Variants in FHIT observed in about 807,000 individuals in gnomAD.
FHIT encodes bis(5'-adenosyl)-triphosphatase.
Under a neutral mutation model 17.9 loss-of-function variants are expected in FHIT, and 19 were observed. That is an observed-to-expected ratio of 1.06 (90% CI 0.74 to 1.56). The LOEUF (loss-of-function observed/expected upper bound fraction) is 1.56, where lower values mean the gene tolerates loss of function less well. Among genes scored for constraint, FHIT ranks in the 40% most tolerant of loss-of-function variants. The pLI is 0.00. For synonymous variants in FHIT, 81 were observed against 69.7 expected, an observed-to-expected ratio of 1.16 and a Z score of -0.81; for missense variants, 248 against 189.2, an observed-to-expected ratio of 1.31 and a Z score of -1.82.
chr3:60,670,888 G>A (rs373330163), intron 4 of FHIT, among the ~76,000 whole-genome samples: 56 of 152,216 alleles, frequency 3.7e-4, no homozygotes, highest in African/African-American at 1.3e-3. Context: ...TAATTAGTTG[G>A]TAATTAACAT....
At chr3:60,570,776 A>G (rs1249796405) in intron 4 of FHIT, among the ~76,000 whole-genome samples, 1 of 150,642 alleles carries the variant, frequency 6.6e-6, no homozygotes, top group East Asian at 2.0e-4. Flanking sequence ...AGCCTAGCGC[A>G]TGTTATGGCA....
intron 8 of FHIT, among the ~76,000 whole-genome samples, chr3:59,852,111 T>C (rs966217133): frequency 6.6e-6 from 1 of 152,184 alleles, no homozygotes; most frequent in Non-Finnish European, 1.5e-5. Context: ...GGTGGAGTTC[T>C]GTTCTCCAGC....
intron 4 of FHIT, among the ~76,000 whole-genome samples, chr3:60,556,169 A>T (rs533867799): frequency 7.2e-5 from 11 of 152,292 alleles, no homozygotes; most frequent in Non-Finnish European, 1.0e-4. Context: ...CATCTGGGTG[A>T]TCCGTCTATA....
intron 3 of FHIT, among the ~76,000 whole-genome samples, chr3:61,035,406 T>G (rs1328160386): frequency 6.6e-6 from 1 of 152,182 alleles, no homozygotes; most frequent in Admixed American, 6.5e-5. Flanking sequence ...TCCTCACTTC[T>G]CCTCCAAAAA....
At chr3:59,767,129 AG>A (rs1701838245) in intron 8 of FHIT, among the ~76,000 whole-genome samples, 1 of 152,274 alleles carries the variant, frequency 6.6e-6, no homozygotes, top group African/African-American at 2.4e-5. Context: ...TTACAACAGG[AG>A]GGGGTCAGAT....
rs112818764 is a variant in FHIT, at chr3:60,244,118, C to T, written c.104-229966G>A. 9.6e-3 allele frequency among the ~76,000 whole-genome samples: 1,466 copies of T among 152,128 alleles called. 17 individuals are homozygous for T. Among genetic ancestry groups the T allele is most frequent in the Non-Finnish European group, 0.015 (987 of 67,948 alleles). On this transcript the variant is annotated intron_variant, in intron 5 of 9. Transcript: ENST00000492590. ...ATATATTAAAAGTGGCTTTTCTGATCACAGCAATTCTCAGGCAGTTTAGGT... is the reference window on the plus strand; with the variant it reads ...ATATATTAAAAGTGGCTTTTCTGATTACAGCAATTCTCAGGCAGTTTAGGT...
intron 8 of FHIT, among the ~76,000 whole-genome samples, chr3:59,918,506 T>TA (rs1364303617): frequency 4.1e-5 from 4 of 97,746 alleles, no homozygotes; most frequent in African/African-American, 1.0e-4. Flanking sequence ...AACTTGAAGT[T>TA]AAAAAACAAA....
chr3:59,766,541 T>C (rs115394627), intron 8 of FHIT, among the ~76,000 whole-genome samples: 202 of 152,366 alleles, frequency 1.3e-3, no homozygotes, highest in African/African-American at 4.5e-3. Context: ...GAGATAGTCA[T>C]CCAAATGTTC....
chr3:60,949,621 G>A (rs1176880711), intron 3 of FHIT, among the ~76,000 whole-genome samples: 1 of 152,076 alleles, frequency 6.6e-6, no homozygotes, highest in Non-Finnish European at 1.5e-5. Flanking sequence ...TGTTTCTCCG[G>A]CTTTGCCCAA....
intron 4 of FHIT, among the ~76,000 whole-genome samples, chr3:60,549,096 G>A (rs1366477739): frequency 6.6e-6 from 1 of 152,116 alleles, no homozygotes; most frequent in Non-Finnish European, 1.5e-5. Context: ...CTTGACAAAA[G>A]TAATGCCTAA....
chr3:60,283,785 T>C (rs1707582369), intron 5 of FHIT, among the ~76,000 whole-genome samples: 2 of 151,434 alleles, frequency 1.3e-5, no homozygotes, highest in South Asian at 2.1e-4. Context: ...GACTAAATAA[T>C]GAAAAAGAGG....
At chr3:59,986,515 A>ATTTATACATT (rs1559523335) in intron 7 of FHIT, among the ~76,000 whole-genome samples, 2,422 of 12,620 alleles carry the variant, frequency 0.19, 225 homozygotes, top group South Asian at 0.26. Context: ...ATATATATAT[A>ATTTATACATT]TATATATATA....
intron 1 of FHIT, among the ~76,000 whole-genome samples, chr3:61,217,635 A>C (rs2039722951): frequency 6.6e-6 from 1 of 152,148 alleles, no homozygotes; most frequent in Non-Finnish European, 1.5e-5. Context: ...TGCCGCCCTC[A>C]ATGAGGGAGT....
intron 1 of FHIT, among the ~76,000 whole-genome samples, chr3:61,201,208 T>G (rs1446385113): frequency 6.6e-6 from 1 of 152,202 alleles, no homozygotes; most frequent in East Asian, 1.9e-4. Context: ...ACTGCAGCCT[T>G]CTCTCGGAAG....
intron 4 of FHIT, among the ~76,000 whole-genome samples, chr3:60,612,312 C>A (rs1423693014): frequency 6.6e-6 from 1 of 152,236 alleles, no homozygotes; most frequent in East Asian, 1.9e-4. Context: ...CTCTGAGACT[C>A]TATGGATATA....
At chr3:60,714,185 T>C (rs1198431250) in intron 4 of FHIT, among the ~76,000 whole-genome samples, 27 of 152,052 alleles carry the variant, frequency 1.8e-4, no homozygotes, top group Non-Finnish European at 3.4e-4. Context: ...ACAAAAACCA[T>C]ACGATTATCT....
intron 4 of FHIT, among the ~76,000 whole-genome samples, chr3:60,540,178 C>T (rs913477801): frequency 6.6e-6 from 1 of 152,086 alleles, no homozygotes; most frequent in South Asian, 2.1e-4. Flanking sequence ...TAGCTGAACA[C>T]GCAGAAGTTC....
chr3:60,851,164 T>C (rs982506423), intron 3 of FHIT, among the ~76,000 whole-genome samples: 1 of 152,130 alleles, frequency 6.6e-6, no homozygotes, highest in Non-Finnish European at 1.5e-5. Flanking sequence ...AGACCAAAGA[T>C]AGCTGAGTGG....
intron 8 of FHIT, among the ~76,000 whole-genome samples, chr3:59,854,235 G>C (rs1702059590): frequency 6.6e-6 from 1 of 152,190 alleles, no homozygotes; most frequent in African/African-American, 2.4e-5. Flanking sequence ...CTTCAACGCT[G>C]ATGCTTTAAA....
Sources: gnomAD v4.1 joint callset for allele counts (sites outside exome capture counted in the v4.1 genomes callset) on GRCh38, gnomAD v4.1.1 for gene constraint, MANE v1.5 for transcripts, NCBI Gene and HGNC (gene_info 2026-07-23, HGNC 2026-07-21) for gene names.